Variants in UBE2E2 observed in about 807,000 individuals in gnomAD.
UBE2E2 encodes the protein ubiquitin-conjugating enzyme E2 E2.
A neutral mutation model predicts 24.7 loss-of-function variants in UBE2E2; 6 were observed. That is an observed-to-expected ratio of 0.24 (90% CI 0.13 to 0.48). UBE2E2 has a LOEUF of 0.48. Ranked by LOEUF, UBE2E2 falls within the 20% of genes least tolerant of loss-of-function variation. UBE2E2 has a pLI of 0.99. For missense variants in UBE2E2, 169 were observed against 245.0 expected (o/e 0.69, Z 2.07); for synonymous variants, 104 against 83.6 (o/e 1.24, Z -1.33).
At chr3:23,350,286 G>C (rs1478320608) in intron 3 of UBE2E2, among the ~76,000 whole-genome samples, 1 of 152,134 alleles carries the variant, frequency 6.6e-6, no homozygotes, top group Non-Finnish European at 1.5e-5. Flanking sequence ...AAGATGGGGA[G>C]AAAACAGAGC....
intron 5 of UBE2E2, among the ~76,000 whole-genome samples, chr3:23,533,899 G>C (rs892898298): frequency 6.6e-6 from 1 of 152,094 alleles, no homozygotes; most frequent in Non-Finnish European, 1.5e-5. Flanking sequence ...GGGATTACAG[G>C]CATGAGCCAC....
chr3:23,339,512 G>A (rs1695323296), intron 3 of UBE2E2, among the ~76,000 whole-genome samples: 1 of 152,064 alleles, frequency 6.6e-6, no homozygotes, highest in African/African-American at 2.4e-5. Flanking sequence ...AATTCTTTGT[G>A]TAATGCTTTG....
intron 3 of UBE2E2, among the ~76,000 whole-genome samples, chr3:23,486,953 G>C (rs1193921928): frequency 6.6e-6 from 1 of 152,176 alleles, no homozygotes; most frequent in East Asian, 1.9e-4. Flanking sequence ...TTTCACTGGG[G>C]TCCCACCACC....
chr3:23,561,856 T>C (rs974861091), intron 5 of UBE2E2, among the ~76,000 whole-genome samples: 1 of 152,178 alleles, frequency 6.6e-6, no homozygotes, highest in African/African-American at 2.4e-5. Context: ...AGTTCACTCA[T>C]GATTTGGCTC....
intron 3 of UBE2E2, among the ~76,000 whole-genome samples, chr3:23,290,426 T>C (rs910921657): frequency 7.2e-5 from 11 of 152,202 alleles, no homozygotes; most frequent in African/African-American, 2.4e-4. Flanking sequence ...GGATGGGGCC[T>C]AAGATTCTAA....
intron 3 of UBE2E2, among the ~76,000 whole-genome samples, chr3:23,264,355 A>G (rs747269751): frequency 1.1e-4 from 16 of 152,178 alleles, no homozygotes; most frequent in Non-Finnish European, 1.9e-4. Context: ...AAAATAAAAA[A>G]CAAAAAAAGG....
chr3:23,336,502 T>A (rs1206189175), intron 3 of UBE2E2, among the ~76,000 whole-genome samples: 1 of 152,210 alleles, frequency 6.6e-6, no homozygotes, highest in Non-Finnish European at 1.5e-5. Flanking sequence ...GAATACAGAA[T>A]CAGTGGCAGT....
chr3:23,272,697 T>C (rs1455923987), intron 3 of UBE2E2, among the ~76,000 whole-genome samples: 2 of 151,862 alleles, frequency 1.3e-5, no homozygotes, highest in Non-Finnish European at 2.9e-5. Context: ...AGAGATTGAG[T>C]GTAAGGAATT....
intron 3 of UBE2E2, among the ~76,000 whole-genome samples, chr3:23,476,373 C>T (rs1699139360): frequency 6.6e-6 from 1 of 152,036 alleles, no homozygotes; most frequent in South Asian, 2.1e-4. Context: ...GGCACTAAAG[C>T]ACCATTAAGA....
intron 3 of UBE2E2, among the ~76,000 whole-genome samples, chr3:23,314,221 C>T (rs1479420582): frequency 6.6e-6 from 1 of 152,066 alleles, no homozygotes; most frequent in African/African-American, 2.4e-5. Flanking sequence ...CTTGATTTCC[C>T]GGTTTCAAGT....
At chr3:23,267,339 T>C (rs1276333191) in intron 3 of UBE2E2, among the ~76,000 whole-genome samples, 1 of 151,476 alleles carries the variant, frequency 6.6e-6, no homozygotes, top group Admixed American at 6.6e-5. Context: ...GAGAGAAGAA[T>C]CAAGTAGACG....
At chr3:23,208,002 A>C (rs1696197854) in intron 1 of UBE2E2, among the ~76,000 whole-genome samples, 1 of 150,470 alleles carries the variant, frequency 6.6e-6, no homozygotes, top group Non-Finnish European at 1.5e-5. Flanking sequence ...CTCTCCCCTC[A>C]CTCCCTGGCA....
At chr3:23,296,629 G>A (rs999435057) in intron 3 of UBE2E2, among the ~76,000 whole-genome samples, 17 of 152,194 alleles carry the variant, frequency 1.1e-4, no homozygotes, top group African/African-American at 3.6e-4. Context: ...CCCTGCAAAG[G>A]ACATGAACTC....
intron 3 of UBE2E2, among the ~76,000 whole-genome samples, chr3:23,444,815 A>G (rs1208884439): frequency 1.3e-5 from 2 of 152,200 alleles, no homozygotes; most frequent in Non-Finnish European, 2.9e-5. Context: ...CTTTAGTTAT[A>G]AGATGGGTAC....
At chr3:23,353,072 G>A (rs1452836130) in intron 3 of UBE2E2, among the ~76,000 whole-genome samples, 1 of 152,158 alleles carries the variant, frequency 6.6e-6, no homozygotes. Flanking sequence ...ATGCAAGGCT[G>A]GTTCAAGATA....
intron 5 of UBE2E2, among the ~76,000 whole-genome samples, chr3:23,579,307 C>T (rs969378977): frequency 2.0e-5 from 3 of 151,450 alleles, no homozygotes; most frequent in Non-Finnish European, 2.9e-5. Flanking sequence ...ATGGCGTGAA[C>T]CCAGGAGGTG....
intron 3 of UBE2E2, among the ~76,000 whole-genome samples, chr3:23,484,651 A>C (rs1699322838): frequency 6.6e-6 from 1 of 152,164 alleles, no homozygotes. Flanking sequence ...GAAATACCCA[A>C]GACTGGGTAA....
At chr3:23,414,351 G>A (rs1697573164) in intron 3 of UBE2E2, among the ~76,000 whole-genome samples, 1 of 152,060 alleles carries the variant, frequency 6.6e-6, no homozygotes, top group African/African-American at 2.4e-5. Flanking sequence ...ACTTGTTAAA[G>A]GTCCTGACAT....
intron 3 of UBE2E2, among the ~76,000 whole-genome samples, chr3:23,342,965 A>T (rs1372762480): frequency 6.6e-6 from 1 of 152,004 alleles, no homozygotes; most frequent in Non-Finnish European, 1.5e-5. Context: ...TTCTGCTGTT[A>T]TTGTTGCTGT....
Sources: allele counts gnomAD v4.1 joint callset (sites outside exome capture counted in the v4.1 genomes callset), GRCh38; gene constraint gnomAD v4.1.1; transcripts MANE v1.5; gene names NCBI Gene and HGNC (gene_info 2026-07-23, HGNC 2026-07-21).